The following ZNF407 variants were observed in gnomAD, a reference collection of about 807,000 sequenced individuals.
ZNF407 encodes zinc finger protein 407.
Under a neutral mutation model 131.2 loss-of-function variants are expected in ZNF407, and 17 were observed. The ratio of observed to expected loss-of-function variants is 0.13; its 90% confidence interval spans 0.09 to 0.19. ZNF407 has a LOEUF of 0.19. ZNF407 is among the 10% of genes least tolerant of loss of function. The probability of loss-of-function intolerance (pLI) is 1.00; values close to 1 mark genes in which losing one functional copy is unlikely to be tolerated. For synonymous variants in ZNF407, 1,156 were observed against 1,062.0 expected (o/e 1.09, Z -1.72); for missense variants, 2,681 against 2,830.6 (o/e 0.95, Z 1.20).
intron 8 of ZNF407, among the ~76,000 whole-genome samples, chr18:75,052,111 C>T (rs1973507845): frequency 6.6e-6 from 1 of 152,184 alleles, no homozygotes; most frequent in South Asian, 2.1e-4. Context: ...GCAGTGCTTG[C>T]ATACGTGTGC....
chr18:74,794,137 C>T (rs903807814), intron 4 of ZNF407, among the ~76,000 whole-genome samples: 4 of 152,210 alleles, frequency 2.6e-5, no homozygotes, highest in Non-Finnish European at 4.4e-5. Flanking sequence ...GCTGTTTTCT[C>T]TCCGGGTGAG....
chr18:75,058,366 T>C (rs1973585952), intron 8 of ZNF407, among the ~76,000 whole-genome samples: 1 of 152,174 alleles, frequency 6.6e-6, no homozygotes, highest in South Asian at 2.1e-4. Flanking sequence ...TAAAATATCT[T>C]TGTGCTCACG....
At chr18:74,676,855 T>C (rs1025024894) in intron 3 of ZNF407, among the ~76,000 whole-genome samples, 23 of 152,190 alleles carry the variant, frequency 1.5e-4, no homozygotes, top group African/African-American at 5.5e-4. Flanking sequence ...AACTGTCTTT[T>C]TGTCTTTTCC....
At chr18:75,061,124 G>A (rs1973628711) in intron 8 of ZNF407, among the ~76,000 whole-genome samples, 1 of 152,218 alleles carries the variant, frequency 6.6e-6, no homozygotes, top group Non-Finnish European at 1.5e-5. Flanking sequence ...GGTTGACTCT[G>A]TTTTTAAGAG....
intron 4 of ZNF407, among the ~76,000 whole-genome samples, chr18:74,857,397 T>C (rs760919079): frequency 3.3e-5 from 5 of 152,236 alleles, no homozygotes; most frequent in African/African-American, 4.8e-5. Flanking sequence ...TGGTTAACTT[T>C]CTGATAAACC....
At chr18:74,993,426 C>T (rs1480679411) in intron 8 of ZNF407, among the ~76,000 whole-genome samples, 1 of 152,120 alleles carries the variant, frequency 6.6e-6, no homozygotes. Flanking sequence ...TTTCCCGAGC[C>T]GCAACAGGCA....
At chr18:74,728,503 T>C (rs1002735838) in intron 3 of ZNF407, among the ~76,000 whole-genome samples, 1 of 152,198 alleles carries the variant, frequency 6.6e-6, no homozygotes, top group African/African-American at 2.4e-5. Context: ...ACCTGCTTTT[T>C]ACCTAGCTTT....
chr18:74,821,655 T>G (rs1307151489), intron 4 of ZNF407, among the ~76,000 whole-genome samples: 1 of 152,250 alleles, frequency 6.6e-6, no homozygotes, highest in Non-Finnish European at 1.5e-5. Flanking sequence ...CACATTTTCT[T>G]TATCCAGTCT....
chr18:74,802,920 G>T (rs1015189907), intron 4 of ZNF407, among the ~76,000 whole-genome samples: 2 of 151,906 alleles, frequency 1.3e-5, no homozygotes, highest in East Asian at 1.9e-4. Flanking sequence ...GTGTTTTTTT[G>T]TTGTTGTTTT....
chr18:74,888,939 G>T (rs1312945885), intron 6 of ZNF407, among the ~76,000 whole-genome samples: 1 of 152,158 alleles, frequency 6.6e-6, no homozygotes, highest in East Asian at 1.9e-4. Context: ...ACATAGGCAG[G>T]CATCACATAA....
intron 4 of ZNF407, among the ~76,000 whole-genome samples, chr18:74,799,556 C>T (rs1005452407): frequency 2.6e-5 from 4 of 152,010 alleles, no homozygotes; most frequent in African/African-American, 9.7e-5. Flanking sequence ...CCTGTTGTCC[C>T]AAGAATTGCA....
intron 8 of ZNF407, among the ~76,000 whole-genome samples, chr18:74,997,302 G>A (rs565081987): frequency 7.1e-4 from 108 of 152,144 alleles, no homozygotes; most frequent in Non-Finnish European, 1.3e-3. Flanking sequence ...CAACAGTTCC[G>A]TGAATGATCA....
intron 3 of ZNF407, among the ~76,000 whole-genome samples, chr18:74,723,925 T>C (rs1968096533): frequency 7.2e-6 from 1 of 138,036 alleles, no homozygotes; most frequent in African/African-American, 2.6e-5. Flanking sequence ...ACTTTTTAGC[T>C]CTTCTGGTGT....
At chr18:74,905,663 G>C (rs1351450392) in intron 7 of ZNF407, 1 of 152,208 alleles carries the variant, frequency 6.6e-6, no homozygotes, top group African/African-American at 2.4e-5. Flanking sequence ...CTGAGAAATG[G>C]AGAGAAAAAT....
intron 3 of ZNF407, among the ~76,000 whole-genome samples, chr18:74,755,776 TC>T (rs1568199914): frequency 6.4e-4 from 91 of 142,346 alleles, no homozygotes; most frequent in East Asian, 1.0e-3. Flanking sequence ...TTTCTTTCTC[TC>T]TCTCTCTTTC....
At chr18:74,887,788 T>C (rs1356658889) in intron 6 of ZNF407, among the ~76,000 whole-genome samples, 3 of 152,176 alleles carry the variant, frequency 2.0e-5, no homozygotes, top group Admixed American at 2.0e-4. Context: ...TTGGTGGTAT[T>C]ATTCTCTTGA....
intron 3 of ZNF407, among the ~76,000 whole-genome samples, chr18:74,674,689 C>G (rs1986285217): frequency 2.6e-5 from 4 of 152,154 alleles, no homozygotes; most frequent in South Asian, 2.1e-4. Flanking sequence ...TCTGCTTACA[C>G]CAGGGATTAG....
chr18:74,939,291 G>A (rs1279706710), intron 8 of ZNF407, among the ~76,000 whole-genome samples: 1 of 152,036 alleles, frequency 6.6e-6, no homozygotes, highest in Non-Finnish European at 1.5e-5. Context: ...CAAGAAAATT[G>A]ATCATTATTT....
chr18:74,841,012 G>T (rs1340470457), intron 4 of ZNF407, among the ~76,000 whole-genome samples: 1 of 152,198 alleles, frequency 6.6e-6, no homozygotes, highest in East Asian at 1.9e-4. Context: ...ACCCAGTGAT[G>T]AGGTCTCTGT....
Sources: gnomAD v4.1 joint callset for allele counts (sites outside exome capture counted in the v4.1 genomes callset) on GRCh38, gnomAD v4.1.1 for gene constraint, MANE v1.5 for transcripts, NCBI Gene and HGNC (gene_info 2026-07-23, HGNC 2026-07-21) for gene names.